ATP11A: variants seen among roughly 807,000 people sequenced by gnomAD.
ATP11A encodes ATPase phospholipid transporting 11A, also known as phospholipid-transporting ATPase IH.
A neutral mutation model predicts 154.4 loss-of-function variants in ATP11A; 81 were observed. The ratio of observed to expected loss-of-function variants is 0.52; its 90% confidence interval spans 0.44 to 0.63. The LOEUF is 0.63. ATP11A is among the 30% of genes least tolerant of loss of function. The pLI is 0.00. For missense variants in ATP11A, 1,316 were observed against 1,474.3 expected, an observed-to-expected ratio of 0.89 and a Z score of 1.76; for synonymous variants, 623 against 585.9, an observed-to-expected ratio of 1.06 and a Z score of -0.91.
intron 13 of ATP11A, among the ~76,000 whole-genome samples, chr13:112,832,652 C>T (rs939191770): frequency 3.3e-5 from 5 of 152,188 alleles, no homozygotes; most frequent in Non-Finnish European, 7.3e-5. Context: ...CTTCCTCACC[C>T]GTCAGTCTCA....
rs769550296 is a variant in ATP11A at position 112,842,389 on chromosome 13, G to A, written c.1809+10G>A. On this transcript the variant is annotated intron_variant, in intron 17 of 29. Transcript: ENST00000375645. Reference sequence around the variant, plus strand: ...GGAGCGTAACGCAGTGGTGAGAGCCGGGCTGGGGAGGGCCTCGTGGCGGTC... The same window carrying A: ...GGAGCGTAACGCAGTGGTGAGAGCCAGGCTGGGGAGGGCCTCGTGGCGGTC... The A allele has an allele frequency of 5.7e-6, 9 of 1,582,374 alleles. No individual in the cohort carries two copies. The highest frequency in any genetic ancestry group is 3.4e-5 in the South Asian group (3 of 87,298).
chr13:112,872,535 C>T (rs575948125), intron 26 of ATP11A, among the ~76,000 whole-genome samples: 21 of 152,316 alleles, frequency 1.4e-4, no homozygotes, highest in African/African-American at 4.6e-4. Context: ...CGCTTGAACC[C>T]GGGAGGTGGA....
At chr13:112,768,950 C>T (rs1348850101) in intron 1 of ATP11A, among the ~76,000 whole-genome samples, 3 of 152,200 alleles carry the variant, frequency 2.0e-5, no homozygotes, top group Admixed American at 6.5e-5. Context: ...CTGCAGTTCA[C>T]TTGCGGGCAG....
intron 13 of ATP11A, 67 bp from the exon 14 acceptor site, chr13:112,832,793 G>A (rs1391048893): frequency 3.1e-5 from 48 of 1,557,384 alleles, no homozygotes; most frequent in Admixed American, 5.4e-5. Flanking sequence ...ATCTCTCTGC[G>A]CCTGTTTCCC....
chr13:112,691,507 T>TGTGC (rs1555299695), intron 1 of ATP11A, among the ~76,000 whole-genome samples: 23 of 141,698 alleles, frequency 1.6e-4, no homozygotes, highest in Non-Finnish European at 3.2e-4. Flanking sequence ...TGTGTGTGTG[T>TGTGC]AGGAGAGGAA....
chr13:112,850,581 A>G (rs2079736158), intron 17 of ATP11A, among the ~76,000 whole-genome samples: 2 of 152,114 alleles, frequency 1.3e-5, no homozygotes, highest in African/African-American at 4.8e-5. Context: ...TGAAAGAACA[A>G]CCTACCTTAC....
intron 1 of ATP11A, among the ~76,000 whole-genome samples, chr13:112,764,518 A>AG (rs956104750): frequency 6.6e-6 from 1 of 152,232 alleles, no homozygotes; most frequent in African/African-American, 2.4e-5. Context: ...TGGAAGGTCC[A>AG]GGCCTGGGCT....
At chr13:112,868,223 T>G (rs868792521) in intron 25 of ATP11A, among the ~76,000 whole-genome samples, 1 of 152,162 alleles carries the variant, frequency 6.6e-6, no homozygotes, top group African/African-American at 2.4e-5. Flanking sequence ...ACACGAGCGG[T>G]CCGCGTATGG....
intron 12 of ATP11A, among the ~76,000 whole-genome samples, chr13:112,828,549 A>C (rs1227926837): frequency 6.6e-6 from 1 of 150,928 alleles, no homozygotes; most frequent in African/African-American, 2.4e-5. Flanking sequence ...GTAGGGGGGA[A>C]AGCGCCAAGA....
chr13:112,709,877 C>T (rs1008503322), intron 1 of ATP11A, among the ~76,000 whole-genome samples: 9 of 152,284 alleles, frequency 5.9e-5, no homozygotes, highest in Admixed American at 1.3e-4. Flanking sequence ...CTCTTGTTGT[C>T]AACTGTCTGC....
At chr13:112,861,084 A>C (rs572414523) in intron 24 of ATP11A, among the ~76,000 whole-genome samples, 1 of 152,322 alleles carries the variant, frequency 6.6e-6, no homozygotes, top group East Asian at 1.9e-4. Context: ...CACGTCTTAC[A>C]TGGTGGCAGA....
At chr13:112,808,294 A>T (rs1436951730) in intron 4 of ATP11A, among the ~76,000 whole-genome samples, 1 of 151,748 alleles carries the variant, frequency 6.6e-6, no homozygotes, top group Non-Finnish European at 1.5e-5. Flanking sequence ...GGATGTTAAG[A>T]GGGGGTCAGG....
chr13:112,752,642 C>T (rs560779895), intron 1 of ATP11A, among the ~76,000 whole-genome samples: 117 of 152,298 alleles, frequency 7.7e-4, no homozygotes, highest in Admixed American at 2.4e-3. Flanking sequence ...GTTGTTCTGA[C>T]CATACAAACT....
intron 25 of ATP11A, among the ~76,000 whole-genome samples, chr13:112,864,562 C>A (rs1468242436): frequency 5.2e-5 from 3 of 58,084 alleles, no homozygotes; most frequent in Non-Finnish European, 9.5e-5. Flanking sequence ...TCAGTGCGGC[C>A]CATGCAGCTT....
intron 8 of ATP11A, among the ~76,000 whole-genome samples, chr13:112,820,203 G>A (rs1209861311): frequency 6.6e-6 from 1 of 152,222 alleles, no homozygotes; most frequent in African/African-American, 2.4e-5. Context: ...CGTCTCACAG[G>A]CCAGGAGGCG....
At chr13:112,700,762 G>T (rs1317663036) in intron 1 of ATP11A, among the ~76,000 whole-genome samples, 1 of 152,198 alleles carries the variant, frequency 6.6e-6, no homozygotes, top group African/African-American at 2.4e-5. Context: ...CAAACCCAGG[G>T]CCTGCAACTC....
intron 1 of ATP11A, among the ~76,000 whole-genome samples, chr13:112,698,101 A>G (rs570484924): frequency 1.3e-5 from 2 of 152,294 alleles, no homozygotes; most frequent in African/African-American, 4.8e-5. Context: ...CAGCCTCGAT[A>G]CAATTTGAAC....
intron 1 of ATP11A, among the ~76,000 whole-genome samples, chr13:112,773,002 G>C (rs1472343321): frequency 6.6e-6 from 1 of 152,184 alleles, no homozygotes; most frequent in Non-Finnish European, 1.5e-5. Flanking sequence ...CAAGAACCCT[G>C]AGTGTGTCCA....
Position 112,867,146 on chromosome 13 carries a change from T to TC in ATP11A, c.2991+4574dup, listed in dbSNP as rs373882536. Among the ~76,000 whole-genome samples, 518 of 152,312 alleles carry TC rather than the reference T, an allele frequency of 3.4e-3. 1 individual carries two copies. The highest frequency in any genetic ancestry group is 0.012 in the African/African-American group (492 of 41,574). ...CAATGGCAATAGCAAGTCCCCTTTT[T>TC]CCCACACTTGATTTTCCAGTTTTCT... On this transcript the variant is annotated intron_variant, in intron 25 of 29. Coordinates refer to ENST00000375645, the MANE Select transcript of ATP11A (RefSeq NM_015205.3).
Sources: gnomAD v4.1 joint callset for allele counts (sites outside exome capture counted in the v4.1 genomes callset) on GRCh38, gnomAD v4.1.1 for gene constraint, MANE v1.5 for transcripts, NCBI Gene and HGNC (gene_info 2026-07-23, HGNC 2026-07-21) for gene names.